ATP13A2: variants seen among roughly 807,000 people sequenced by gnomAD.
ATP13A2 encodes the protein polyamine-transporting ATPase 13A2.
Under a neutral mutation model 138.3 loss-of-function variants are expected in ATP13A2, and 83 were observed. The ratio of observed to expected loss-of-function variants is 0.60; its 90% CI spans 0.50 to 0.72. The LOEUF (loss-of-function observed/expected upper bound fraction) is 0.72, where lower values mean the gene tolerates loss of function less well. Ranked by LOEUF, ATP13A2 falls within the 30% of genes least tolerant of loss-of-function variation. ATP13A2 has a pLI of 0.00. For synonymous variants in ATP13A2, 663 were observed against 699.0 expected, an observed-to-expected ratio of 0.95 and a Z score of 0.81; for missense variants, 1,402 against 1,606.4, an observed-to-expected ratio of 0.87 and a Z score of 2.17.
intron 6 of ATP13A2, 73 bp from the exon 7 acceptor site, chr1:17,002,446 GGAGAC>G: frequency 6.5e-7 from 1 of 1,527,350 alleles, no homozygotes; most frequent in Non-Finnish European, 8.9e-7. Flanking sequence ...TGTGCAGGCT[GGAGAC>G]TATGGGCTCT....
chr1:17,000,549 GGAGGCA>G lies in ATP13A2; in HGVS notation c.706-21_706-16del. Reference sequence around the variant, plus strand: ...GGGTTCAGTGCCTGGGGGAGGGGCGGGAGGCAGCGTCAGGGCCGCGTCCCCCAGGGC... The same window carrying G: ...GGGTTCAGTGCCTGGGGGAGGGGCGGGCGTCAGGGCCGCGTCCCCCAGGGC... On this transcript the variant is annotated splice_polypyrimidine_tract_variant and intron_variant, in intron 8 of 28. Transcript: ENST00000326735. 6.2e-7 allele frequency: 1 copy of G among 1,611,512 alleles called. No homozygotes were observed. The highest frequency in any genetic ancestry group is 8.5e-7 in the Non-Finnish European group (1 of 1,178,104).
At chr1:16,999,639 C>T (rs952816153) in intron 11 of ATP13A2, among the ~76,000 whole-genome samples, 1 of 151,918 alleles carries the variant, frequency 6.6e-6, no homozygotes, top group Non-Finnish European at 1.5e-5. Flanking sequence ...CGCTGGCACA[C>T]GCCTGAAATC....
rs1231760842 is a variant in ATP13A2, at chr1:17,004,258, G to A, written c.557+74C>T. 1 of 1,487,404 alleles carries A rather than the reference G, an allele frequency of 6.7e-7. No individual in the cohort carries two copies. Among genetic ancestry groups the A allele is most frequent in the Non-Finnish European group, 9.3e-7 (1 of 1,080,876 alleles). 92.1% of individuals were successfully genotyped at this position (1,487,404 alleles called of 1,614,324 possible). On this transcript the variant is annotated intron_variant, in intron 6 of 28. Transcript: ENST00000326735. This position sits in a 1 kb window ranked among gnomAD's most constrained non-coding sequence, Gnocchi z 4.1. ...GAGCTGAGAGGGGAGCCCAGGCCAT[G>A]CCATGCCACCGTCTGTGCCCAAACC...
At position 16,988,133 on chromosome 1, in the gene ATP13A2, C is replaced by G. The variant is rs1164759435; in HGVS notation, c.2859+5G>C. 28 of 1,612,844 alleles carry G rather than the reference C, an allele frequency of 1.7e-5. No homozygotes were observed. Among genetic ancestry groups the G allele is most frequent in the Non-Finnish European group, 2.1e-5 (25 of 1,179,002 alleles). ...CTCTGGGTACGGAGCTCTGCAGATA[C>G]TCACCGTGTAGAGGATCAGGACGGA... On this transcript the variant is annotated splice_donor_5th_base_variant and intron_variant, in intron 25 of 28. Transcript: ENST00000326735.
At chr1:17,005,292 C>A in intron 3 of ATP13A2, 82 bp downstream of exon 3, 1 of 1,535,866 alleles carries the variant, frequency 6.5e-7, no homozygotes, top group East Asian at 2.4e-5. Context: ...AGTCAGTGGC[C>A]GGGTTGGCAC....
At chr1:17,001,053 G>A (rs988657554) in intron 8 of ATP13A2, among the ~76,000 whole-genome samples, 5 of 152,032 alleles carry the variant, frequency 3.3e-5, no homozygotes, top group Admixed American at 1.3e-4. Flanking sequence ...CTACAAGGCC[G>A]GTACCACCAT....
rs761171771 is a variant in ATP13A2, at chr1:16,986,302, G to T, written c.3462C>A (p.Ala1154=). The T allele has an allele frequency of 1.3e-6, 2 of 1,594,488 alleles. No individual in the cohort carries two copies. Among genetic ancestry groups the T allele is most frequent in the East Asian group, 2.3e-5 (1 of 43,992 alleles). The change falls in exon 29 of 29, where the codon GCC becomes GCA. Residue 1154 remains alanine (A), a synonymous_variant. Transcript: ENST00000326735. The surrounding 1 kb of genome is among the most constrained non-coding windows in gnomAD (Gnocchi z 6.9). Reference sequence around the variant, plus strand: ...CCAGCTGCTTGAAGCGCTTCTTGGAGGCCCGCTTGGGCCGGAGGCGGCGCA... The same window carrying T: ...CCAGCTGCTTGAAGCGCTTCTTGGATGCCCGCTTGGGCCGGAGGCGGCGCA... ...ACLRRLRPKR[A]SKKRFKQLER... is the part of the protein sequence containing the mutation.
At position 17,000,608 on chromosome 1, in the gene ATP13A2, G is replaced by A. The variant is rs1005831635; in HGVS notation, c.706-74C>T. The A allele has an allele frequency of 3.1e-5, 48 of 1,559,478 alleles. No homozygotes were observed. In the East Asian group the frequency reaches 1.0e-3, roughly 33 times the overall value. Reference sequence around the variant, plus strand: ...CCCAGCCACAGGCTGGGTCTCCTGTGCCCATGGGAGCAGAGGGCCCAGTGG... The same window carrying A: ...CCCAGCCACAGGCTGGGTCTCCTGTACCCATGGGAGCAGAGGGCCCAGTGG... On this transcript the variant is annotated intron_variant, in intron 8 of 28. Transcript: ENST00000326735.
chr1:17,000,205 C>G, intron 10 of ATP13A2, 41 bp downstream of exon 10: 1 of 1,544,224 alleles, frequency 6.5e-7, no homozygotes, highest in Non-Finnish European at 8.7e-7. Context: ...CCCCCCCACC[C>G]TCCCACTCCT....
At chr1:17,000,566 C>T (rs532748161) in intron 8 of ATP13A2, 32 bp from the exon 9 acceptor site, 14 of 1,606,936 alleles carry the variant, frequency 8.7e-6, no homozygotes, top group East Asian at 4.5e-5. Flanking sequence ...GCGTCAGGGC[C>T]GCGTCCCCCA....
In ATP13A2 at chr1:17,000,439, G is replaced by A. The variant is rs778999295; in HGVS notation, c.801C>T (p.Ser267=). 3 of 1,614,098 alleles carry A rather than the reference G, an allele frequency of 1.9e-6. No individual in the cohort carries two copies. In the South Asian group the frequency reaches 3.3e-5, roughly 18 times the overall value. ...ACAGCGACAGGCAGATGGAGATGGA[G>A]GAAATGAGGAAGATGCACAGGGCGT... ...YWYALCIFLI[S]SISICLSLYK... The change falls in exon 9 of 29, where the codon TCC becomes TCT. Residue 267 remains serine, a synonymous_variant. Transcript: ENST00000326735.
chr1:16,993,900 C>G, intron 15 of ATP13A2, 65 bp from the exon 16 acceptor site: 1 of 1,374,604 alleles, frequency 7.3e-7, no homozygotes, highest in South Asian at 1.5e-5. Flanking sequence ...CTGAGCTGGG[C>G]CTCCAAACCC....
In ATP13A2 at chr1:17,000,021, G is replaced by T; in HGVS notation, c.1029C>A (p.Ser343Arg). 1 of 1,608,944 alleles carries T rather than the reference G, an allele frequency of 6.2e-7. No individual in the cohort carries two copies. Among genetic ancestry groups the T allele is most frequent in the Non-Finnish European group, 8.5e-7 (1 of 1,177,460 alleles). The change falls in exon 11 of 29, where the codon AGC (serine) becomes AGA (arginine). Residue 343 changes from serine to arginine, a missense_variant. Ser to Arg is a moderately radical substitution (Grantham distance 110). Transcript: ENST00000326735. Reference protein sequence around the residue: ...LVAGECMVNESSLTGESIPVL... With the variant: ...LVAGECMVNERSLTGESIPVL... ...GGGCTGGGGGCTCACCTGTCAGAGA[G>T]CTCTCATTCACCATGCACTCGCCGG...
chr1:16,993,917 C>T (rs2077025167), intron 15 of ATP13A2, 82 bp from the exon 16 acceptor site: 13 of 1,247,150 alleles, frequency 1.0e-5, no homozygotes, highest in Admixed American at 5.7e-5. Context: ...ACCCCAGGCC[C>T]GGCGGACCCT....
At chr1:17,005,877 G>A in intron 1 of ATP13A2, 99 bp from the exon 2 acceptor site, 1 of 1,175,560 alleles carries the variant, frequency 8.5e-7, no homozygotes, top group South Asian at 1.4e-5. Context: ...GCTCACGCCT[G>A]TAATCCCAGC....
At chr1:17,006,064 G>A (rs1350227077) in intron 1 of ATP13A2, among the ~76,000 whole-genome samples, 1 of 151,910 alleles carries the variant, frequency 6.6e-6, no homozygotes, top group Admixed American at 6.6e-5. Context: ...GAACCTGGGA[G>A]GTAGAGGTTG....
Position 16,986,644 on chromosome 1 carries a change from A to G in ATP13A2, c.3236-12T>C. On this transcript the variant is annotated splice_polypyrimidine_tract_variant and intron_variant, in intron 27 of 28. Transcript: ENST00000326735. This position sits in a 1 kb window ranked among gnomAD's most constrained non-coding sequence, Gnocchi z 6.9. ...CACCAGGAAGGGCACTGGGAGCAGGAGAGTCTCTCAGGCAGGAGCCACGCC... is the reference window on the plus strand; with the variant it reads ...CACCAGGAAGGGCACTGGGAGCAGGGGAGTCTCTCAGGCAGGAGCCACGCC... 2 of 1,602,562 alleles carry G rather than the reference A, an allele frequency of 1.2e-6. No individual in the cohort carries two copies. The highest frequency in any genetic ancestry group is 1.7e-6 in the Non-Finnish European group (2 of 1,177,054).
intron 1 of ATP13A2, among the ~76,000 whole-genome samples, chr1:17,006,328 G>A (rs559345554): frequency 5.5e-5 from 8 of 145,900 alleles, no homozygotes; most frequent in African/African-American, 2.0e-4. Flanking sequence ...TCAGCTCACT[G>A]CAACCTTTGC....
At chr1:17,006,350 A>G (rs542801021) in intron 1 of ATP13A2, among the ~76,000 whole-genome samples, 42 of 146,810 alleles carry the variant, frequency 2.9e-4, no homozygotes, top group Non-Finnish European at 5.2e-4. Flanking sequence ...TCCCAGGTTC[A>G]AGCGATTCTC....
Sources: gnomAD v4.1 joint callset for allele counts (sites outside exome capture counted in the v4.1 genomes callset) on GRCh38, gnomAD v4.1.1 for gene constraint, Gnocchi (gnomAD v3.1) non-coding constraint, MANE v1.5 for transcripts, NCBI Gene and HGNC (gene_info 2026-07-23, HGNC 2026-07-21) for gene names.